NSD3: variants seen among roughly 807,000 people sequenced by gnomAD.
NSD3 encodes the protein nuclear receptor binding SET domain protein 3.
NSD3 carries 24 observed loss-of-function variants against 160.8 expected under a neutral mutation model. The observed-to-expected ratio is 0.15, with a 90% CI of 0.11 to 0.21. The LOEUF is 0.21. Ranked by LOEUF, NSD3 falls within the 10% of genes least tolerant of loss-of-function variation. NSD3 has a pLI of 1.00. For synonymous variants in NSD3, 520 were observed against 600.0 expected (o/e 0.87, Z 1.95); for missense variants, 1,157 against 1,735.9 (o/e 0.67, Z 5.93).
intron 14 of NSD3, among the ~76,000 whole-genome samples, chr8:38,302,686 T>C (rs1809304721): frequency 6.6e-6 from 1 of 152,188 alleles, no homozygotes; most frequent in Non-Finnish European, 1.5e-5. Flanking sequence ...AAATTGAAAA[T>C]ACTATATTTT....
At chr8:38,287,290 T>C (rs1158363187) in intron 19 of NSD3, among the ~76,000 whole-genome samples, 1 of 152,192 alleles carries the variant, frequency 6.6e-6, no homozygotes, top group East Asian at 1.9e-4. Flanking sequence ...TATTGGGAAA[T>C]AGGTTAAATA....
At chr8:38,295,646 A>G in intron 16 of NSD3, 150 bp downstream of exon 16, 1 of 711,028 alleles carries the variant, frequency 1.4e-6, no homozygotes, top group Non-Finnish European at 2.2e-6. Flanking sequence ...TTAAGAACCC[A>G]GCCTCAAAAC....
intron 1 of NSD3, among the ~76,000 whole-genome samples, chr8:38,367,263 T>C (rs1310372175): frequency 6.6e-6 from 1 of 152,168 alleles, no homozygotes; most frequent in African/African-American, 2.4e-5. Context: ...TGGGTTTTCA[T>C]TTAACATCAT....
chr8:38,294,622 A>C (rs1414144601), intron 16 of NSD3, among the ~76,000 whole-genome samples: 2 of 152,182 alleles, frequency 1.3e-5, no homozygotes, highest in Non-Finnish European at 1.5e-5. Flanking sequence ...TTTTGACCAG[A>C]ATATAAACTT....
chr8:38,294,690 ATC>A (rs1006319426), intron 16 of NSD3, among the ~76,000 whole-genome samples: 26 of 152,062 alleles, frequency 1.7e-4, no homozygotes. Flanking sequence ...AGAAAATATC[ATC>A]TCTGGCCAAG....
At chr8:38,320,726 TA>T (rs1386840957) in intron 8 of NSD3, 2,311 of 150,324 alleles carry the variant, frequency 0.015, no homozygotes, top group East Asian at 0.022. Context: ...AAATCAAACT[TA>T]AAAAAAAAAA....
At chr8:38,372,199 A>T (rs1811262485) in intron 1 of NSD3, among the ~76,000 whole-genome samples, 1 of 152,250 alleles carries the variant, frequency 6.6e-6, no homozygotes, top group Non-Finnish European at 1.5e-5. Flanking sequence ...AAGTCATTTT[A>T]GAGTTTGCAT....
At chr8:38,313,935 G>C (rs1415041913) in intron 12 of NSD3, among the ~76,000 whole-genome samples, 9 of 152,130 alleles carry the variant, frequency 5.9e-5, no homozygotes, top group Middle Eastern at 3.4e-3. Context: ...TCAAAGGTAA[G>C]ATCAGCATAT....
At chr8:38,310,177 C>T (rs1809499045) in intron 12 of NSD3, among the ~76,000 whole-genome samples, 1 of 152,042 alleles carries the variant, frequency 6.6e-6, no homozygotes, top group South Asian at 2.1e-4. Flanking sequence ...AACTTGGTAC[C>T]CATTAAAGAA....
In NSD3 at chr8:38,281,578, T is replaced by C. The variant is rs1204759207; in HGVS notation, c.3507A>G (p.Glu1169=). 4 of 1,596,760 alleles carry C rather than the reference T, an allele frequency of 2.5e-6. No homozygotes were observed. In the South Asian group the frequency reaches 3.4e-5, roughly 14 times the overall value. The change falls in exon 20 of 24, where the codon GAA becomes GAG. Residue 1169 remains glutamate (E), a synonymous_variant. Transcript: ENST00000317025. ...ATTCACCGACGTATTCATTTACAAA[T>C]TCACCCTGGAGATAAATGTGCAATA... ...LRTKRSIKKG[E]FVNEYVGELI... is the part of the protein sequence containing the mutation.
chr8:38,295,515 ACCAC>A (rs1809114115), intron 16 of NSD3, among the ~76,000 whole-genome samples: 1 of 152,034 alleles, frequency 6.6e-6, no homozygotes, highest in South Asian at 2.1e-4. Context: ...GAGCTGCGAT[ACCAC>A]TGCACTCCAG....
At chr8:38,277,402 T>C (rs1808628005) in intron 22 of NSD3, among the ~76,000 whole-genome samples, 2 of 152,172 alleles carry the variant, frequency 1.3e-5, no homozygotes, top group South Asian at 4.1e-4. Context: ...CTCAGCTTCC[T>C]GAGTAGCTGA....
rs1287455254 is a variant in NSD3, at chr8:38,272,143, CA to C, written c.*3497del. ...TATCTCAGTTCCACAACGTTATTTA[CA>C]GACATGTTTTCAAATATTTTGTGTA... On this transcript the variant is annotated 3_prime_UTR_variant, in exon 24 of 24. Transcript: ENST00000317025. The C allele has an allele frequency of 4.1e-4, 63 of 152,320 alleles. No homozygotes were observed. The highest frequency in any genetic ancestry group is 1.4e-3 in the African/African-American group (57 of 41,570). 9.4% of individuals were successfully genotyped at this position (152,320 alleles called of 1,614,324 possible). A position where few individuals can be genotyped will look rare whatever the true frequency, so the allele number is the denominator to read the frequency against.
intron 15 of NSD3, among the ~76,000 whole-genome samples, chr8:38,298,552 G>A (rs761895602): frequency 1.3e-5 from 2 of 152,076 alleles, no homozygotes; most frequent in Non-Finnish European, 2.9e-5. Flanking sequence ...GTGTGTGTGT[G>A]TGTGTGTATA....
intron 1 of NSD3, among the ~76,000 whole-genome samples, chr8:38,373,063 A>C (rs1047075101): frequency 2.7e-5 from 4 of 150,046 alleles, no homozygotes; most frequent in Non-Finnish European, 5.9e-5. Flanking sequence ...AAAAAAAAAA[A>C]GAAAGAAAGA....
In NSD3 at chr8:38,292,754, A is replaced by C. The variant is rs958022215; in HGVS notation, c.2916-2077T>G. 2.7e-4 allele frequency among the ~76,000 whole-genome samples: 41 copies of C among 151,960 alleles called. 1 individual carries two copies. The highest frequency in any genetic ancestry group is 9.2e-4 in the Admixed American group (14 of 15,260). ...CAGTGAGCCAAGATCGTGCCACTGT[A>C]CTCCAGCCTGGGCAACAGTGTGAGA... On this transcript the variant is annotated intron_variant, in intron 16 of 23. Coordinates refer to ENST00000317025, the MANE Select transcript of NSD3 (RefSeq NM_023034.2).
At chr8:38,320,831 T>G (rs1010316197) in intron 8 of NSD3, 1 of 345,192 alleles carries the variant, frequency 2.9e-6, no homozygotes, top group African/African-American at 2.1e-5. Flanking sequence ...AAGGATTTTT[T>G]AAGTCTTGCA....
At chr8:38,339,902 T>G (rs1043204148) in intron 2 of NSD3, among the ~76,000 whole-genome samples, 12 of 152,154 alleles carry the variant, frequency 7.9e-5, no homozygotes, top group Non-Finnish European at 1.6e-4. Context: ...AACTACAGTA[T>G]TATTTCATGT....
rs755476820 is a variant in NSD3 at position 38,276,278 on chromosome 8, C to G, written c.4072+18G>C. 5 of 1,612,820 alleles carry G rather than the reference C, an allele frequency of 3.1e-6. No individual in the cohort carries two copies. The highest frequency in any genetic ancestry group is 4.2e-6 in the Non-Finnish European group (5 of 1,179,406). The stretch of plus-strand genomic sequence containing the variant: ...CAAAGACACAAATTAGGGAAAGGGT[C>G]CTGAAGGTCCAGCTTACCATATGGT... On this transcript the variant is annotated intron_variant, in intron 23 of 23. Transcript: ENST00000317025.
Sources: allele counts gnomAD v4.1 joint callset (sites outside exome capture counted in the v4.1 genomes callset), GRCh38; gene constraint gnomAD v4.1.1; transcripts MANE v1.5; gene names NCBI Gene and HGNC (gene_info 2026-07-23, HGNC 2026-07-21).